The following IL1R1 variants were observed in gnomAD, a reference collection of about 807,000 sequenced individuals.
IL1R1 encodes interleukin 1 receptor type 1.
IL1R1 carries 22 observed loss-of-function variants against 50.2 expected under a neutral mutation model. That is an observed-to-expected ratio of 0.44 (90% CI 0.31 to 0.63). The LOEUF is 0.63. Among genes scored for constraint, IL1R1 ranks in the 20% least tolerant of loss-of-function variants. IL1R1 has a pLI of 0.07. For missense variants in IL1R1, 509 were observed against 676.2 expected, an observed-to-expected ratio of 0.75 and a Z score of 2.74; for synonymous variants, 251 against 236.7, an observed-to-expected ratio of 1.06 and a Z score of -0.55.
chr2:102,147,834 G>C (rs2110727), intron 1 of IL1R1, among the ~76,000 whole-genome samples: 1 of 152,016 alleles, frequency 6.6e-6, no homozygotes, highest in Admixed American at 6.5e-5. Context: ...ATTTCATAGC[G>C]ACACTTGAAA....
intron 1 of IL1R1, among the ~76,000 whole-genome samples, chr2:102,081,237 C>T (rs1030429764): frequency 1.3e-5 from 2 of 152,092 alleles, no homozygotes; most frequent in African/African-American, 4.8e-5. Context: ...ATAAAATTCT[C>T]ATTAAAATAA....
chr2:102,138,560 G>A (rs189002863), upstream of IL1R1, among the ~76,000 whole-genome samples: 163 of 152,278 alleles, frequency 1.1e-3, 1 homozygote, highest in Admixed American at 2.7e-3. Context: ...GAATTTGAAC[G>A]GAAAGATAAT....
intron 1 of IL1R1, among the ~76,000 whole-genome samples, chr2:102,146,993 C>T (rs1222864460): frequency 6.6e-6 from 1 of 152,166 alleles, no homozygotes; most frequent in African/African-American, 2.4e-5. Flanking sequence ...CCATTGCAGG[C>T]GTGGGTGCCG....
At chr2:102,111,691 A>G (rs1399909391) in intron 1 of IL1R1, among the ~76,000 whole-genome samples, 2 of 152,184 alleles carry the variant, frequency 1.3e-5, no homozygotes, top group African/African-American at 4.8e-5. Flanking sequence ...GGAAGGGGAC[A>G]GTGAAGAGGA....
chr2:102,162,991 C>A (rs1180642604), intron 3 of IL1R1, among the ~76,000 whole-genome samples: 4 of 151,796 alleles, frequency 2.6e-5, no homozygotes, highest in Non-Finnish European at 4.4e-5. Flanking sequence ...AGTATTTTTT[C>A]CTAAATTTTA....
chr2:102,125,389 G>A (rs1042125502), intron 1 of IL1R1, among the ~76,000 whole-genome samples: 1 of 152,186 alleles, frequency 6.6e-6, no homozygotes. Context: ...AATGTCTCCT[G>A]TTCTTCTTGG....
chr2:102,113,342 T>C (rs1169557836), intron 1 of IL1R1, among the ~76,000 whole-genome samples: 3 of 152,266 alleles, frequency 2.0e-5, no homozygotes, highest in Non-Finnish European at 4.4e-5. Context: ...GTGAATGTAC[T>C]TGTAAGTTAT....
chr2:102,154,613 C>T (rs967540790), intron 2 of IL1R1, among the ~76,000 whole-genome samples: 6 of 152,180 alleles, frequency 3.9e-5, no homozygotes, highest in Admixed American at 3.9e-4. Flanking sequence ...TCTGTCACTG[C>T]AGCTGGCCCA....
chr2:102,174,198 C>T (rs1384023928), intron 9 of IL1R1, among the ~76,000 whole-genome samples: 3 of 152,154 alleles, frequency 2.0e-5, no homozygotes, highest in African/African-American at 7.2e-5. Flanking sequence ...CTTCCCTAAG[C>T]CTCCACCTTA....
At chr2:102,163,852 C>A (rs1262746713) in intron 3 of IL1R1, among the ~76,000 whole-genome samples, 1 of 152,148 alleles carries the variant, frequency 6.6e-6, no homozygotes, top group African/African-American at 2.4e-5. Flanking sequence ...CTTTGTTCTG[C>A]CACATGATTG....
chr2:102,152,979 G>T (rs1281137472), intron 1 of IL1R1, among the ~76,000 whole-genome samples: 3 of 129,964 alleles, frequency 2.3e-5, no homozygotes, highest in Non-Finnish European at 3.5e-5. Context: ...CCAAAGAAAT[G>T]ATTCAGACAA....
At chr2:102,162,712 G>T (rs898667013) in intron 3 of IL1R1, among the ~76,000 whole-genome samples, 25 of 151,568 alleles carry the variant, frequency 1.6e-4, no homozygotes, top group African/African-American at 6.0e-4. Context: ...CTTGAACTTT[G>T]CCCTATTATT....
At chr2:102,114,871 T>C (rs1680977982) in intron 1 of IL1R1, among the ~76,000 whole-genome samples, 1 of 152,184 alleles carries the variant, frequency 6.6e-6, no homozygotes, top group Admixed American at 6.5e-5. Flanking sequence ...AAATTGTTGT[T>C]CTAGGGAAAC....
chr2:102,134,132 T>A (rs969777380), intron 1 of IL1R1, among the ~76,000 whole-genome samples: 1 of 152,160 alleles, frequency 6.6e-6, no homozygotes, highest in Admixed American at 6.5e-5. Flanking sequence ...GCCTTCACAA[T>A]AGCATCCAGT....
chr2:102,140,974 A>G (rs1036876127), upstream of IL1R1, among the ~76,000 whole-genome samples: 1 of 152,208 alleles, frequency 6.6e-6, no homozygotes, highest in African/African-American at 2.4e-5. Context: ...AAAGACAAAA[A>G]TTACGGATTT....
intron 3 of IL1R1, among the ~76,000 whole-genome samples, chr2:102,161,949 G>A (rs1202546860): frequency 1.3e-5 from 2 of 152,026 alleles, no homozygotes; most frequent in South Asian, 2.1e-4. Flanking sequence ...TGACTCACCC[G>A]CCTCAGCCTT....
At chr2:102,102,566 T>C (rs1680187222), upstream of IL1R1, among the ~76,000 whole-genome samples, 1 of 152,110 alleles carries the variant, frequency 6.6e-6, no homozygotes, top group Non-Finnish European at 1.5e-5. Context: ...TGTGGGAATG[T>C]AAATTAGTTC....
At chr2:102,102,569 A>AT (rs1288672162), upstream of IL1R1, among the ~76,000 whole-genome samples, 1 of 152,166 alleles carries the variant, frequency 6.6e-6, no homozygotes, top group Non-Finnish European at 1.5e-5. Context: ...GGGAATGTAA[A>AT]TTAGTTCAGC....
At chr2:102,075,858 T>C (rs1291768852) in intron 1 of IL1R1, among the ~76,000 whole-genome samples, 1 of 152,208 alleles carries the variant, frequency 6.6e-6, no homozygotes, top group Non-Finnish European at 1.5e-5. Flanking sequence ...GGCTTTAAGA[T>C]GATCAATCTA....
Sources: allele counts gnomAD v4.1 joint callset (sites outside exome capture counted in the v4.1 genomes callset), GRCh38; gene constraint gnomAD v4.1.1; transcripts MANE v1.5; gene names NCBI Gene and HGNC (gene_info 2026-07-23, HGNC 2026-07-21).